The following KLHL13 variants were observed in gnomAD, a reference collection of about 807,000 sequenced individuals.
The protein encoded by KLHL13 is kelch like family member 13.
KLHL13 carries 10 observed loss-of-function variants against 37.1 expected under a neutral mutation model. The ratio of observed to expected loss-of-function variants is 0.27; its 90% CI spans 0.17 to 0.46. The LOEUF is 0.46. Ranked by LOEUF, KLHL13 falls within the 20% of genes least tolerant of loss-of-function variation. The probability of loss-of-function intolerance (pLI) is 1.00; values close to 1 mark genes in which losing one functional copy is unlikely to be tolerated. For synonymous variants in KLHL13, 163 were observed against 181.2 expected (o/e 0.90, Z 0.81); for missense variants, 360 against 509.3 (o/e 0.71, Z 2.82).
rs944508446 is a variant in KLHL13, at chrX:117,989,711, A to G, written c.-55-44136T>C. 2.7e-5 allele frequency among the ~76,000 whole-genome samples: 3 copies of G among 111,245 alleles called. 1 individual carries two copies. The highest frequency in any genetic ancestry group is 9.8e-5 in the African/African-American group (3 of 30,599). ...CTCCTTCATGCCTCAGTGACTTCAC[A>G]TCTGATTCCACTTGGAATTCCCTGC... is the stretch of plus-strand genomic sequence containing the variant. On this transcript the variant is annotated intron_variant, in intron 1 of 6. Transcript: ENST00000371882.
At chrX:117,977,465 T>C (rs12859214), upstream of KLHL13, among the ~76,000 whole-genome samples, 416 of 111,740 alleles carry the variant, frequency 3.7e-3, 5 homozygotes, top group African/African-American at 0.013. Context: ...CCAAATGAAC[T>C]AATATATCAT....
intron 1 of KLHL13, among the ~76,000 whole-genome samples, chrX:118,075,963 C>T (rs2054923761): frequency 1.8e-5 from 2 of 110,838 alleles, no homozygotes; most frequent in South Asian, 7.6e-4. Flanking sequence ...ATAGTTAAGA[C>T]AGTTTTTTTT....
At chrX:118,025,093 CT>C (rs1297065209) in intron 1 of KLHL13, among the ~76,000 whole-genome samples, 2 of 111,921 alleles carry the variant, frequency 1.8e-5, no homozygotes, top group African/African-American at 3.2e-5. Flanking sequence ...TCAACATCCC[CT>C]GATCTACTCC....
intron 1 of KLHL13, among the ~76,000 whole-genome samples, chrX:117,953,020 A>G (rs1933709245): frequency 9.0e-6 from 1 of 111,447 alleles, no homozygotes; most frequent in South Asian, 3.8e-4. Flanking sequence ...ATCTAGAACT[A>G]GAAATACCAT....
rs140390226 is a variant in KLHL13, at chrX:118,014,855, G to T, written c.-55-69280C>A. Among the ~76,000 whole-genome samples the T allele has an allele frequency of 8.7e-3, 984 of 112,466 alleles. 14 individuals carry two copies. Among genetic ancestry groups the T allele is most frequent in the African/African-American group, 0.03 (921 of 30,970 alleles). Reference sequence around the variant, plus strand: ...ATATTAAGACATTGTTTGTACCACAGAATGGCTTATGCCATGCAGCTATTA... The same window carrying T: ...ATATTAAGACATTGTTTGTACCACATAATGGCTTATGCCATGCAGCTATTA... On this transcript the variant is annotated intron_variant, in intron 1 of 6. Coordinates refer to the KLHL13 transcript ENST00000371882.
intron 1 of KLHL13, among the ~76,000 whole-genome samples, chrX:118,024,776 A>G (rs2054256946): frequency 8.9e-6 from 1 of 111,950 alleles, no homozygotes; most frequent in Non-Finnish European, 1.9e-5. Flanking sequence ...GTGGGAGTAT[A>G]AAATGGTACA....
chrX:117,968,071 T>A (rs1332821113), intron 1 of KLHL13, among the ~76,000 whole-genome samples: 1 of 112,400 alleles, frequency 8.9e-6, no homozygotes, highest in Non-Finnish European at 1.9e-5. Flanking sequence ...AAGATTAACA[T>A]GAAAAAACCA....
intron 1 of KLHL13, among the ~76,000 whole-genome samples, chrX:117,948,760 T>C (rs1170076902): frequency 1.8e-5 from 2 of 111,878 alleles, no homozygotes; most frequent in African/African-American, 6.5e-5. Context: ...TGACCAACCA[T>C]AAAGCACAAG....
rs1475909654 is a variant in KLHL13 at position 118,044,995 on chromosome X, C to A, written c.-56+71513G>T. Among the ~76,000 whole-genome samples the A allele has an allele frequency of 1.8e-5, 2 of 111,763 alleles. 1 individual carries two copies. Among genetic ancestry groups the A allele is most frequent in the Admixed American group, 1.9e-4 (2 of 10,531 alleles). On this transcript the variant is annotated intron_variant, in intron 1 of 6. Transcript: ENST00000371882. ...CATCTATTTTTTCCCACATGTAAACCATCCATCTGACAAGTGATTAATAAC... is the reference window on the plus strand; with the variant it reads ...CATCTATTTTTTCCCACATGTAAACAATCCATCTGACAAGTGATTAATAAC...
intron 1 of KLHL13, among the ~76,000 whole-genome samples, chrX:118,030,987 T>C (rs1334862633): frequency 8.9e-6 from 1 of 111,864 alleles, no homozygotes; most frequent in Non-Finnish European, 1.9e-5. Flanking sequence ...TGGGATATTC[T>C]TATTCAGATT....
chrX:117,987,946 G>C (rs144895075), intron 1 of KLHL13, among the ~76,000 whole-genome samples: 7,043 of 111,418 alleles, frequency 0.063, 535 homozygotes, highest in African/African-American at 0.21. Flanking sequence ...TTCAAAAACA[G>C]GCAGTACTTG....
chrX:117,914,829 G>C (rs1931232120), intron 4 of KLHL13, among the ~76,000 whole-genome samples: 1 of 112,447 alleles, frequency 8.9e-6, no homozygotes, highest in African/African-American at 3.2e-5. Flanking sequence ...AATGGCTTTT[G>C]TGAGGTTGAA....
intron 2 of KLHL13, among the ~76,000 whole-genome samples, chrX:117,930,087 G>T (rs1284427258): frequency 9.2e-6 from 1 of 108,353 alleles, no homozygotes. Flanking sequence ...TTTTCTAGAG[G>T]TTTTATCCAG....
chrX:117,900,202 A>G (rs1930000000), intron 6 of KLHL13, among the ~76,000 whole-genome samples: 1 of 112,489 alleles, frequency 8.9e-6, no homozygotes, highest in African/African-American at 3.2e-5. Flanking sequence ...TAGACAAGGG[A>G]AAGAAGTAAG....
upstream of KLHL13, among the ~76,000 whole-genome samples, chrX:117,974,401 C>T (rs1445789681): frequency 8.9e-6 from 1 of 112,092 alleles, no homozygotes; most frequent in Non-Finnish European, 1.9e-5. Flanking sequence ...AAGTCTGTAT[C>T]CAAACAATAA....
intron 1 of KLHL13, among the ~76,000 whole-genome samples, chrX:117,982,628 A>G (rs1316764643): frequency 1.8e-5 from 2 of 112,179 alleles, no homozygotes. Context: ...ATTAGTGTGC[A>G]TAAGAATCAC....
chrX:118,031,570 A>AT lies in KLHL13; in HGVS notation c.-56+84937dup, dbSNP rs1187800830. Among the ~76,000 whole-genome samples, 56 of 93,704 alleles carry AT rather than the reference A, an allele frequency of 6.0e-4. 1 individual carries two copies. The highest frequency in any genetic ancestry group is 2.2e-3 in the African/African-American group (55 of 24,711). The allele number at this position is 93,704 out of a possible 115,157, so 81.4% of individuals were successfully genotyped here. On this transcript the variant is annotated intron_variant, in intron 1 of 6. Transcript: ENST00000371882. The stretch of plus-strand genomic sequence containing the variant: ...TATATATATATTTAGTTATATATAT[A>AT]TTAGTTATATATATATTTAGTTATA...
chrX:118,058,333 T>G (rs762773376), intron 1 of KLHL13, among the ~76,000 whole-genome samples: 132 of 111,153 alleles, frequency 1.2e-3, no homozygotes, highest in Non-Finnish European at 2.0e-3. Flanking sequence ...CACTAATTAA[T>G]TAAAGTATGC....
chrX:118,032,674 A>C (rs972045617), intron 1 of KLHL13, among the ~76,000 whole-genome samples: 1 of 112,206 alleles, frequency 8.9e-6, no homozygotes. Context: ...AACTCTAAAA[A>C]GCAGAGCACC....
Sources: gnomAD v4.1 joint callset for allele counts (sites outside exome capture counted in the v4.1 genomes callset) on GRCh38, gnomAD v4.1.1 for gene constraint, MANE v1.5 for transcripts, NCBI Gene and HGNC (gene_info 2026-07-23, HGNC 2026-07-21) for gene names.